DOK6: variants seen among roughly 807,000 people sequenced by gnomAD.
The protein encoded by DOK6 is docking protein 6.
A neutral mutation model predicts 44.0 loss-of-function variants in DOK6; 22 were observed. The observed-to-expected ratio is 0.50, with a 90% CI of 0.36 to 0.71. The LOEUF is 0.71. Among genes scored for constraint, DOK6 ranks in the 30% least tolerant of loss-of-function variants. DOK6 has a pLI of 0.00. For synonymous variants in DOK6, 166 were observed against 145.5 expected (o/e 1.14, Z -1.01); for missense variants, 340 against 416.4 (o/e 0.82, Z 1.60).
chr18:69,699,267 C>A (rs1321368282), intron 5 of DOK6, among the ~76,000 whole-genome samples: 6 of 152,126 alleles, frequency 3.9e-5, no homozygotes, highest in African/African-American at 1.4e-4. Flanking sequence ...TCCATCTTCA[C>A]CCAGGGTACA....
intron 1 of DOK6, among the ~76,000 whole-genome samples, chr18:69,435,033 A>AGGAAGGACGGAC (rs773761589): frequency 0.074 from 4,681 of 62,912 alleles, 282 homozygotes; most frequent in East Asian, 0.12. Flanking sequence ...GAGGGAAGGA[A>AGGAAGGACGGAC]GGAAGGAAGG....
chr18:69,542,438 C>A (rs1982293505), intron 1 of DOK6, among the ~76,000 whole-genome samples: 1 of 151,294 alleles, frequency 6.6e-6, no homozygotes, highest in South Asian at 2.1e-4. Flanking sequence ...ATTGTTGCTG[C>A]TACCCTATGA....
intron 3 of DOK6, among the ~76,000 whole-genome samples, chr18:69,639,912 C>T (rs1984899835): frequency 1.3e-5 from 2 of 152,156 alleles, no homozygotes; most frequent in African/African-American, 4.8e-5. Context: ...AGTCCCTTGT[C>T]CTCCTCTGAT....
In DOK6 at chr18:69,606,695, C is replaced by T. The variant is rs981526367; in HGVS notation, c.289+7197C>T. Among the ~76,000 whole-genome samples, 8 of 150,296 alleles carry T rather than the reference C, an allele frequency of 5.3e-5. No individual in the cohort carries two copies. In the East Asian group the frequency reaches 7.8e-4, roughly 15 times the overall value. ...ACGAATTCAGTGAAGATGCAGGATACGAGATCAACGTACAAAAATCAGTAG... is the reference window on the plus strand; with the variant it reads ...ACGAATTCAGTGAAGATGCAGGATATGAGATCAACGTACAAAAATCAGTAG... On this transcript the variant is annotated intron_variant, in intron 3 of 7. Coordinates refer to ENST00000382713, the MANE Select transcript of DOK6 (RefSeq NM_152721.6).
chr18:69,521,855 A>G (rs906573790), intron 1 of DOK6, among the ~76,000 whole-genome samples: 2 of 152,028 alleles, frequency 1.3e-5, no homozygotes, highest in Non-Finnish European at 2.9e-5. Context: ...TGATTTGATC[A>G]TTATACTAAA....
At chr18:69,839,563 A>G (rs557737732) in intron 7 of DOK6, among the ~76,000 whole-genome samples, 30 of 152,314 alleles carry the variant, frequency 2.0e-4, no homozygotes, top group Non-Finnish European at 3.5e-4. Flanking sequence ...TGCAGGAAAG[A>G]AGATGCACTC....
chr18:69,755,580 A>C (rs1979329170), intron 6 of DOK6, among the ~76,000 whole-genome samples: 2 of 152,232 alleles, frequency 1.3e-5, no homozygotes, highest in Non-Finnish European at 2.9e-5. Flanking sequence ...TTTAAAGACG[A>C]AAGTCCTATC....
chr18:69,406,387 A>G (rs1280814286), intron 1 of DOK6, among the ~76,000 whole-genome samples: 3 of 152,238 alleles, frequency 2.0e-5, no homozygotes, highest in African/African-American at 7.2e-5. Flanking sequence ...TAAGCCAAAG[A>G]CAATGAAAAT....
intron 7 of DOK6, among the ~76,000 whole-genome samples, chr18:69,828,299 C>T (rs1352635424): frequency 6.6e-6 from 1 of 151,722 alleles, no homozygotes; most frequent in East Asian, 1.9e-4. Context: ...ATAATGTTTT[C>T]ACTTAGATTA....
At chr18:69,471,139 C>T (rs1007984308) in intron 1 of DOK6, among the ~76,000 whole-genome samples, 1 of 143,534 alleles carries the variant, frequency 7.0e-6, no homozygotes, top group African/African-American at 2.5e-5. Context: ...ATCCCAGCTA[C>T]TCGGGAAGCT....
intron 1 of DOK6, among the ~76,000 whole-genome samples, chr18:69,421,276 T>G (rs1013041046): frequency 2.7e-4 from 41 of 152,226 alleles, no homozygotes; most frequent in African/African-American, 9.9e-4. Flanking sequence ...GAAAGAACTC[T>G]CCACAGACTT....
At chr18:69,588,366 T>C (rs1568304681) in intron 2 of DOK6, among the ~76,000 whole-genome samples, 1 of 151,856 alleles carries the variant, frequency 6.6e-6, no homozygotes, top group Non-Finnish European at 1.5e-5. Context: ...AGTTAAAACA[T>C]GTGTGTTTTT....
intron 3 of DOK6, among the ~76,000 whole-genome samples, chr18:69,633,090 T>C (rs1329434202): frequency 6.6e-6 from 1 of 152,248 alleles, no homozygotes; most frequent in Non-Finnish European, 1.5e-5. Context: ...TATGTATCTA[T>C]GGCTTTCATT....
intron 7 of DOK6, among the ~76,000 whole-genome samples, chr18:69,787,033 T>C: frequency 6.6e-6 from 1 of 152,144 alleles, no homozygotes; most frequent in East Asian, 1.9e-4. Flanking sequence ...CTGGCCAACA[T>C]GGTGAAAACC....
At chr18:69,609,609 A>G (rs1984089995) in intron 3 of DOK6, among the ~76,000 whole-genome samples, 1 of 152,190 alleles carries the variant, frequency 6.6e-6, no homozygotes, top group South Asian at 2.1e-4. Context: ...ATGGAAAACA[A>G]TATGGAAGTT....
intron 3 of DOK6, among the ~76,000 whole-genome samples, chr18:69,607,155 T>G (rs181698005): frequency 1.1e-4 from 17 of 152,306 alleles, no homozygotes; most frequent in Admixed American, 9.8e-4. Context: ...AGGCCCTTTT[T>G]GAACAACCAG....
At chr18:69,837,570 C>CAAA (rs74175394) in intron 7 of DOK6, among the ~76,000 whole-genome samples, 1,707 of 136,286 alleles carry the variant, frequency 0.013, 27 homozygotes, top group East Asian at 0.034. Context: ...AGGTGTTCAG[C>CAAA]AAAAAAAAAA....
At position 69,488,289 on chromosome 18, in the gene DOK6, T is replaced by G. The variant is rs1980639798; in HGVS notation, c.67-76198T>G. On this transcript the variant is annotated intron_variant, in intron 1 of 7. Coordinates refer to ENST00000382713, the MANE Select transcript of DOK6 (RefSeq NM_152721.6). ...GACCCAGTCTCCAGATACCATTACA[T>G]TGGGAACTGAGGTTTCAACATATGA... Among the ~76,000 whole-genome samples the G allele has an allele frequency of 2.6e-5, 4 of 152,238 alleles. No individual in the cohort carries two copies. The South Asian group carries it at 8.3e-4, about 32-fold the overall frequency.
intron 1 of DOK6, among the ~76,000 whole-genome samples, chr18:69,460,748 TA>T (rs1393380253): frequency 2.0e-5 from 3 of 152,342 alleles, no homozygotes; most frequent in Non-Finnish European, 4.4e-5. Flanking sequence ...AAAGACGTGT[TA>T]AAATAGTGGC....
Sources: allele counts gnomAD v4.1 joint callset (sites outside exome capture counted in the v4.1 genomes callset), GRCh38; gene constraint gnomAD v4.1.1; transcripts MANE v1.5; gene names NCBI Gene and HGNC (gene_info 2026-07-23, HGNC 2026-07-21).